Variants in LYST observed in about 807,000 individuals in gnomAD.
LYST encodes the protein lysosomal trafficking regulator, also known as lysosomal-trafficking regulator.
A neutral mutation model predicts 413.6 loss-of-function variants in LYST; 192 were observed. The ratio of observed to expected loss-of-function variants is 0.46; its 90% CI spans 0.41 to 0.52. LYST has a LOEUF of 0.52. LYST is among the 20% of genes least tolerant of loss of function. The pLI, the probability that LYST is intolerant of heterozygous loss-of-function variation, is 0.00. For synonymous variants in LYST, 1,525 were observed against 1,567.3 expected (o/e 0.97, Z 0.64); for missense variants, 3,815 against 4,499.9 (o/e 0.85, Z 4.35).
Position 235,813,061 on chromosome 1 carries a change from C to T in LYST, c.193G>A (p.Ala65Thr). The stretch of plus-strand genomic sequence containing the variant: ...AGGAGTTCTTCTCTACATGTCAATG[C>T]CTATGTCAGTAACAAAAGAATCCTT... ...LTKLNSIIDQ[A>T]LTCREELLTL... Residue 65 changes from alanine to threonine, a missense_variant and splice_region_variant, in exon 4 of 53, where the codon GCA becomes ACA. By Grantham distance (58) the Ala-to-Thr change is moderately conservative (BLOSUM62 0). Transcript: ENST00000389793. The T allele has an allele frequency of 1.3e-6, 2 of 1,550,108 alleles. No homozygotes were observed. The highest frequency in any genetic ancestry group is 2.2e-5 in the South Asian group (2 of 89,772).
chr1:235,732,716 T>C (rs576019456), intron 34 of LYST, among the ~76,000 whole-genome samples: 1 of 152,326 alleles, frequency 6.6e-6, no homozygotes, highest in African/African-American at 2.4e-5. Context: ...ATATTGAATA[T>C]TTTCCCGTGT....
intron 1 of LYST, among the ~76,000 whole-genome samples, chr1:235,863,882 C>A (rs1281649430): frequency 2.0e-5 from 3 of 152,140 alleles, no homozygotes; most frequent in Admixed American, 2.0e-4. Context: ...CTGTGAGGCC[C>A]ATCTGTGCAC....
intron 27 of LYST, 127 bp downstream of exon 27, chr1:235,751,878 G>A: frequency 1.4e-6 from 1 of 732,138 alleles, no homozygotes. Flanking sequence ...AAAACTGATA[G>A]ATACTATTAC....
At chr1:235,684,014 G>T (rs1297706275) in intron 48 of LYST, among the ~76,000 whole-genome samples, 3 of 152,008 alleles carry the variant, frequency 2.0e-5, no homozygotes, top group African/African-American at 7.3e-5. Context: ...CTAATACTTA[G>T]GTGGAAAAAA....
chr1:235,699,523 G>A (rs1572025333), intron 45 of LYST, among the ~76,000 whole-genome samples: 1 of 152,138 alleles, frequency 6.6e-6, no homozygotes, highest in East Asian at 1.9e-4. Flanking sequence ...ATAGTAAATA[G>A]TGCTGCAATA....
intron 1 of LYST, among the ~76,000 whole-genome samples, chr1:235,844,965 A>T (rs552515466): frequency 4.8e-4 from 73 of 152,154 alleles, no homozygotes; most frequent in African/African-American, 1.6e-3. Flanking sequence ...TAAAGAGAGG[A>T]GCTCCTGGGA....
chr1:235,875,972 C>A (rs1681114578), intron 1 of LYST, among the ~76,000 whole-genome samples: 1 of 152,174 alleles, frequency 6.6e-6, no homozygotes. Context: ...GTAATCCCAG[C>A]ACTTTGGGAG....
chr1:235,761,613 C>T (rs992957659), intron 22 of LYST, among the ~76,000 whole-genome samples: 3 of 151,930 alleles, frequency 2.0e-5, no homozygotes, highest in South Asian at 4.2e-4. Flanking sequence ...TAGACTGAGG[C>T]GAGGTTAGCA....
chr1:235,782,451 G>A (rs1358413388), intron 14 of LYST, among the ~76,000 whole-genome samples: 1 of 152,014 alleles, frequency 6.6e-6, no homozygotes, highest in Non-Finnish European at 1.5e-5. Flanking sequence ...GGGATTACAG[G>A]TGTGAGCCAC....
intron 2 of LYST, among the ~76,000 whole-genome samples, chr1:235,833,178 C>T (rs1239660460): frequency 6.6e-6 from 1 of 152,110 alleles, no homozygotes; most frequent in East Asian, 1.9e-4. Context: ...GTATTCACCT[C>T]TTCCTAACAG....
At chr1:235,861,005 T>G (rs912720747) in intron 1 of LYST, among the ~76,000 whole-genome samples, 4 of 152,174 alleles carry the variant, frequency 2.6e-5, no homozygotes, top group African/African-American at 9.7e-5. Context: ...ATTTTGAGAT[T>G]TATCCATGTT....
At chr1:235,827,733 G>A in intron 3 of LYST, 2 of 972,658 alleles carry the variant, frequency 2.1e-6, no homozygotes, top group Non-Finnish European at 2.4e-6. Flanking sequence ...GGAAAGAAGG[G>A]ATTAAAAAAT....
At chr1:235,840,424 C>T (rs1265992421) in intron 1 of LYST, among the ~76,000 whole-genome samples, 1 of 152,150 alleles carries the variant, frequency 6.6e-6, no homozygotes, top group African/African-American at 2.4e-5. Context: ...GAGTGGCTGG[C>T]AAAGACCAGA....
At chr1:235,878,189 C>A (rs1681223338) in intron 1 of LYST, among the ~76,000 whole-genome samples, 1 of 152,198 alleles carries the variant, frequency 6.6e-6, no homozygotes, top group South Asian at 2.1e-4. Flanking sequence ...AGCCCCAAGG[C>A]AACATCCCTG....
intron 3 of LYST, among the ~76,000 whole-genome samples, chr1:235,816,940 A>T (rs1674184360): frequency 6.6e-6 from 1 of 152,244 alleles, no homozygotes; most frequent in African/African-American, 2.4e-5. Context: ...AACAGCCTAC[A>T]GAGTGGGAGA....
chr1:235,810,027 A>G lies in LYST; in HGVS notation c.791T>C (p.Leu264Ser), dbSNP rs773956330. Residue 264 changes from leucine (L) to serine (S), a missense_variant, in exon 5 of 53, where the codon TTA (leucine) becomes TCA (serine). By Grantham distance (145) the Leu-to-Ser change is moderately radical (BLOSUM62 -2). Around this residue, in one of 4 missense-constraint regions of LYST, gnomAD observed 1,648 missense variants for 1,810.3 expected, o/e 0.91. Transcript: ENST00000389793. ...PFDLCHVLLS[L>S]LEKVCKFDVT... ...GTCAAACTTACAAACTTTTTCTAAT[A>G]AAGATAACAAAACATGACATAAGTC... The G allele has an allele frequency of 1.2e-6, 2 of 1,614,052 alleles. No individual in the cohort carries two copies. Among genetic ancestry groups the G allele is most frequent in the Non-Finnish European group, 1.7e-6 (2 of 1,179,966 alleles).
Position 235,695,386 on chromosome 1 carries a change from T to C in LYST, c.10564+1697A>G, listed in dbSNP as rs1270869971. ...TGCCTGTGGAGGCCATGGAGGAAAC[T>C]GTTCTATTAAACTACTGCTCTGGAC... On this transcript the variant is annotated intron_variant, in intron 46 of 52. Coordinates refer to ENST00000389793, the MANE Select transcript of LYST (RefSeq NM_000081.4). 2.6e-5 allele frequency among the ~76,000 whole-genome samples: 4 copies of C among 152,352 alleles called. No homozygotes were observed. The East Asian group carries it at 7.7e-4, about 29-fold the overall frequency.
rs1215274878 is a variant in LYST, at chr1:235,802,910, T to C, written c.3710A>G (p.Asp1237Gly). ...SNPEDGETQD[D>G]GVDLKSETEG... ...CAAGCACTTCAATGATATTTTACCA[T>C]CATCCTGGGTTTCGCCATCTTCAGG... Residue 1237 changes from aspartate (D) to glycine (G), a missense_variant and splice_region_variant, in exon 8 of 53, where the codon GAT (aspartate) becomes GGT (glycine). Asp to Gly is a moderately conservative substitution (Grantham distance 94). Around this residue, in one of 4 missense-constraint regions of LYST, gnomAD observed 1,648 missense variants for 1,810.3 expected, o/e 0.91. Coordinates refer to ENST00000389793, the MANE Select transcript of LYST (RefSeq NM_000081.4). 8 of 1,613,360 alleles carry C rather than the reference T, an allele frequency of 5.0e-6. No individual in the cohort carries two copies. The highest frequency in any genetic ancestry group is 1.7e-5 in the Admixed American group (1 of 60,022).
At chr1:235,778,491 C>T (rs561605571) in intron 16 of LYST, among the ~76,000 whole-genome samples, 26 of 152,094 alleles carry the variant, frequency 1.7e-4, no homozygotes, top group African/African-American at 5.8e-4. Flanking sequence ...TCTCCTGCTT[C>T]GGCCTCCTGA....
Sources: gnomAD v4.1 joint callset for allele counts (sites outside exome capture counted in the v4.1 genomes callset) on GRCh38, gnomAD v4.1.1 for gene constraint, gnomAD v4.1.1 regional missense constraint, MANE v1.5 for transcripts, NCBI Gene and HGNC (gene_info 2026-07-23, HGNC 2026-07-21) for gene names.